LRRC74A: variants seen among roughly 807,000 people sequenced by gnomAD.
LRRC74A encodes leucine-rich repeat-containing protein 74A.
LRRC74A carries 44 observed loss-of-function variants against 57.9 expected under a neutral mutation model. The observed-to-expected ratio is 0.76, with a 90% confidence interval of 0.60 to 0.98. LRRC74A has a LOEUF of 0.98. Ranked by LOEUF, LRRC74A falls within the 50% of genes least tolerant of loss-of-function variation. LRRC74A has a pLI of 0.00. For synonymous variants in LRRC74A, 211 were observed against 219.4 expected, an observed-to-expected ratio of 0.96 and a Z score of 0.34; for missense variants, 572 against 574.0, an observed-to-expected ratio of 1.00 and a Z score of 0.04.
At chr14:76,838,805 TGTCCAGGCTA>T (rs1245873767) in intron 5 of LRRC74A, among the ~76,000 whole-genome samples, 2 of 152,210 alleles carry the variant, frequency 1.3e-5, no homozygotes, top group African/African-American at 4.8e-5. Flanking sequence ...CTCACCATGT[TGTCCAGGCTA>T]GTCTCAAACT....
intron 5 of LRRC74A, among the ~76,000 whole-genome samples, chr14:76,840,190 C>T (rs2362861): frequency 0.51 from 78,004 of 152,016 alleles, 21,045 homozygotes; most frequent in East Asian, 0.87. Context: ...CATGTACCGA[C>T]AGTCCCATCT....
chr14:76,845,926 G>A (rs1897092869), intron 7 of LRRC74A, among the ~76,000 whole-genome samples: 1 of 152,234 alleles, frequency 6.6e-6, no homozygotes, highest in Non-Finnish European at 1.5e-5. Context: ...GCTGAGGCAG[G>A]AGAATCACCT....
intron 3 of LRRC74A, among the ~76,000 whole-genome samples, chr14:76,835,175 C>T (rs991502087): frequency 2.0e-5 from 3 of 152,106 alleles, no homozygotes; most frequent in African/African-American, 7.2e-5. Context: ...GAATCCTTTC[C>T]TCTCTCTCCT....
In LRRC74A at chr14:76,828,341, T is replaced by A. The variant is rs769603711; in HGVS notation, c.88T>A (p.Cys30Ser). The A allele has an allele frequency of 2.5e-6, 4 of 1,613,522 alleles. No homozygotes were observed. The highest frequency in any genetic ancestry group is 3.4e-6 in the Non-Finnish European group (4 of 1,179,462). The change falls in exon 2 of 14, where the codon TGT becomes AGT. Residue 30 changes from cysteine to serine, a missense_variant. Physicochemically the swap from Cys to Ser is moderately radical, Grantham distance 112. Transcript: ENST00000689127. ...ACAGAGCAGCGATAAAATGCTCTAC[T>A]GTGAGGCCGAATCCCCGCCGACTGT... is the stretch of plus-strand genomic sequence containing the variant. ...VRQSSDKMLYCEAESPPTVEK... is the reference protein window; with the variant it reads ...VRQSSDKMLYSEAESPPTVEK...
intron 4 of LRRC74A, 25 bp from the exon 5 acceptor site, chr14:76,837,850 A>G: frequency 7.0e-7 from 1 of 1,437,026 alleles, no homozygotes; most frequent in Non-Finnish European, 9.6e-7. Flanking sequence ...TTTTTTACAT[A>G]CCGAAGTGTT....
At chr14:76,836,389 C>G (rs1896339665) in intron 4 of LRRC74A, 75 bp downstream of exon 4, 2 of 1,104,204 alleles carry the variant, frequency 1.8e-6, no homozygotes, top group South Asian at 1.5e-5. Flanking sequence ...AGCCAGAGGC[C>G]CTGCCAGGAC....
intron 9 of LRRC74A, among the ~76,000 whole-genome samples, chr14:76,854,776 A>G (rs1383228813): frequency 2.0e-5 from 3 of 152,210 alleles, no homozygotes; most frequent in Admixed American, 6.5e-5. Context: ...ATGCTAATTT[A>G]TAATATAGAT....
At chr14:76,826,926 C>G (rs139353861) in intron 1 of LRRC74A, among the ~76,000 whole-genome samples, 192 bp downstream of exon 1, 1 of 152,356 alleles carries the variant, frequency 6.6e-6, no homozygotes, top group Non-Finnish European at 1.5e-5. Context: ...TATGCCACAA[C>G]TACCTCATAC....
chr14:76,865,914 C>T (rs1187582805), intron 11 of LRRC74A, 54 bp from the exon 12 acceptor site: 12 of 1,346,172 alleles, frequency 8.9e-6, no homozygotes, highest in African/African-American at 2.9e-5. Flanking sequence ...GGGGGACCTG[C>T]GATCGTTGTT....
At chr14:76,869,941 TGCACAC>T (rs1566751243) in intron 13 of LRRC74A, among the ~76,000 whole-genome samples, 178 bp from the exon 14 acceptor site, 1 of 151,640 alleles carries the variant, frequency 6.6e-6, no homozygotes, top group East Asian at 2.0e-4. Flanking sequence ...TGTGTGTGTG[TGCACAC>T]GCACACACAT....
intron 9 of LRRC74A, among the ~76,000 whole-genome samples, chr14:76,856,292 T>C (rs1897869450): frequency 6.6e-6 from 1 of 152,190 alleles, no homozygotes; most frequent in African/African-American, 2.4e-5. Context: ...TCCCCTCCCC[T>C]ATGCTGCATG....
At chr14:76,861,139 G>T (rs1435500755) in intron 11 of LRRC74A, among the ~76,000 whole-genome samples, 4 of 152,188 alleles carry the variant, frequency 2.6e-5, no homozygotes, top group African/African-American at 9.7e-5. Context: ...TATGACCAAG[G>T]GCAAGTTACT....
At chr14:76,844,355 G>A in intron 5 of LRRC74A, 68 bp from the exon 6 acceptor site, 3 of 1,415,560 alleles carry the variant, frequency 2.1e-6, no homozygotes, top group Non-Finnish European at 3.0e-6. Context: ...ACTGGGAGGG[G>A]CAGGGGGTGG....
chr14:76,829,544 C>T (rs1040806312), intron 2 of LRRC74A, among the ~76,000 whole-genome samples: 3 of 152,226 alleles, frequency 2.0e-5, no homozygotes, highest in African/African-American at 7.2e-5. Flanking sequence ...GTTTCTATCT[C>T]ATTCCCCCAT....
At chr14:76,838,023 G>A in intron 5 of LRRC74A, 52 bp downstream of exon 5, 1 of 1,220,420 alleles carries the variant, frequency 8.2e-7, no homozygotes, top group South Asian at 1.3e-5. Context: ...AGGGAGGGAA[G>A]AGGGGAAAAA....
chr14:76,826,579 C>T lies in LRRC74A; in HGVS notation c.-119C>T, dbSNP rs1196022913. 1.2e-6 allele frequency: 2 copies of T among 1,612,920 alleles called. No homozygotes were observed. The highest frequency in any genetic ancestry group is 2.2e-5 in the East Asian group (1 of 44,852). ...TAACTGCAGGCTCCCCTGGGATGCC[C>T]CCAGGTGAGGGAAGTTCACAGAGTT... On this transcript the variant is annotated 5_prime_UTR_variant, in exon 1 of 14. Transcript: ENST00000689127.
intron 6 of LRRC74A, 28 bp from the exon 7 acceptor site, chr14:76,844,792 C>T (rs781110399): frequency 7.8e-7 from 1 of 1,287,414 alleles, no homozygotes; most frequent in Non-Finnish European, 1.1e-6. Flanking sequence ...ACAAAAAATC[C>T]TTCTCTTTCC....
chr14:76,866,609 G>A (rs898942844), intron 12 of LRRC74A, among the ~76,000 whole-genome samples: 28 of 152,178 alleles, frequency 1.8e-4, no homozygotes, highest in African/African-American at 6.0e-4. Flanking sequence ...AGGCAGGGAC[G>A]GATAAGGCAG....
intron 3 of LRRC74A, among the ~76,000 whole-genome samples, chr14:76,835,299 A>G (rs756186964): frequency 3.9e-5 from 6 of 152,112 alleles, no homozygotes; most frequent in Non-Finnish European, 7.3e-5. Flanking sequence ...CCTGGTGAAC[A>G]TGGTGAAACC....
Sources: allele counts gnomAD v4.1 joint callset (sites outside exome capture counted in the v4.1 genomes callset), GRCh38; gene constraint gnomAD v4.1.1; transcripts MANE v1.5; gene names NCBI Gene and HGNC (gene_info 2026-07-23, HGNC 2026-07-21).